LARP1B: variants seen among roughly 807,000 people sequenced by gnomAD.
LARP1B encodes the protein La ribonucleoprotein 1B.
LARP1B carries 76 observed loss-of-function variants against 114.2 expected under a neutral mutation model. The ratio of observed to expected loss-of-function variants is 0.67; its 90% CI spans 0.55 to 0.81. The LOEUF (loss-of-function observed/expected upper bound fraction) is 0.81, where lower values mean the gene tolerates loss of function less well. Ranked by LOEUF, LARP1B falls within the 30% of genes least tolerant of loss-of-function variation. LARP1B has a pLI of 0.00. For missense variants in LARP1B, 1,014 were observed against 1,075.8 expected, an observed-to-expected ratio of 0.94 and a Z score of 0.80; for synonymous variants, 345 against 348.0, an observed-to-expected ratio of 0.99 and a Z score of 0.10.
chr4:128,068,322 T>A (rs1035084648), intron 1 of LARP1B, among the ~76,000 whole-genome samples: 5 of 151,368 alleles, frequency 3.3e-5, no homozygotes, highest in Non-Finnish European at 5.9e-5. Flanking sequence ...CCGGCTTTTT[T>A]TTTTTTTTAA....
chr4:128,127,250 A>G (rs1789959817), intron 11 of LARP1B, among the ~76,000 whole-genome samples: 1 of 95,332 alleles, frequency 1.0e-5, no homozygotes, highest in Non-Finnish European at 2.6e-5. Context: ...AGACACAGAA[A>G]GGACTGCAGA....
chr4:128,132,495 A>G (rs6842281), intron 11 of LARP1B, among the ~76,000 whole-genome samples: 98,692 of 151,852 alleles, frequency 0.65, 32,374 homozygotes, highest in Middle Eastern at 0.82. Context: ...ATCTGCCTGC[A>G]TCAGTCTCCA....
chr4:128,137,827 T>C (rs916666479), intron 11 of LARP1B, among the ~76,000 whole-genome samples: 3 of 150,922 alleles, frequency 2.0e-5, no homozygotes, highest in African/African-American at 7.3e-5. Flanking sequence ...AGAGTTTTGC[T>C]TTGTCTCCCA....
chr4:128,220,211 G>C (rs941321936), intron 6 of LARP1B: 56 of 165,716 alleles, frequency 3.4e-4, no homozygotes, highest in Non-Finnish European at 5.8e-4. Flanking sequence ...GCTTATGTTA[G>C]TTTGGAACTC....
At chr4:128,080,011 T>G (rs993005580) in intron 4 of LARP1B, among the ~76,000 whole-genome samples, 3 of 150,746 alleles carry the variant, frequency 2.0e-5, no homozygotes, top group African/African-American at 7.3e-5. Flanking sequence ...TGAGATGGAG[T>G]TTCGCTCTTG....
intron 11 of LARP1B, among the ~76,000 whole-genome samples, chr4:128,147,028 C>T (rs1730649130): frequency 6.6e-6 from 1 of 152,180 alleles, no homozygotes; most frequent in Non-Finnish European, 1.5e-5. Flanking sequence ...CCCATTGGTT[C>T]ACTCATTCAT....
chr4:128,176,093 G>GAT (rs1226245741), intron 12 of LARP1B, among the ~76,000 whole-genome samples: 67 of 138,664 alleles, frequency 4.8e-4, no homozygotes, highest in African/African-American at 1.1e-3. Context: ...TCTCTCTCTC[G>GAT]ATATATATAT....
intron 15 of LARP1B, among the ~76,000 whole-genome samples, chr4:128,197,440 A>G (rs923715728): frequency 4.1e-4 from 63 of 152,344 alleles, no homozygotes; most frequent in African/African-American, 1.5e-3. Flanking sequence ...TTACGCCTGT[A>G]ATCCCAGCAC....
downstream of LARP1B, among the ~76,000 whole-genome samples, chr4:128,214,524 C>A (rs1441162499): frequency 6.6e-6 from 1 of 152,108 alleles, no homozygotes; most frequent in Non-Finnish European, 1.5e-5. Context: ...AACTGGGAGG[C>A]AGGGGCACAC....
At chr4:128,119,949 AAC>A (rs1787335434) in intron 10 of LARP1B, among the ~76,000 whole-genome samples, 1 of 152,230 alleles carries the variant, frequency 6.6e-6, no homozygotes, top group Non-Finnish European at 1.5e-5. Context: ...AAACAAATTT[AAC>A]AGTTTGTTTA....
chr4:128,163,955 C>G (rs1291997174), intron 12 of LARP1B, among the ~76,000 whole-genome samples: 1 of 151,888 alleles, frequency 6.6e-6, no homozygotes, highest in Non-Finnish European at 1.5e-5. Flanking sequence ...CTCAGTTGGT[C>G]CTTGTTTCTA....
At chr4:128,122,399 A>T in intron 11 of LARP1B, 2 of 1,479,380 alleles carry the variant, frequency 1.4e-6, no homozygotes, top group Non-Finnish European at 1.8e-6. Flanking sequence ...GAATACTGTA[A>T]TTACAAAAGA....
intron 1 of LARP1B, among the ~76,000 whole-genome samples, chr4:128,065,285 C>A (rs1464717280): frequency 4.4e-5 from 6 of 135,212 alleles, no homozygotes; most frequent in African/African-American, 1.8e-4. Context: ...TTCTTTCTTT[C>A]TTTCTTTCTT....
At chr4:128,088,963 A>C (rs947240149) in intron 5 of LARP1B, among the ~76,000 whole-genome samples, 1 of 152,050 alleles carries the variant, frequency 6.6e-6, no homozygotes, top group Non-Finnish European at 1.5e-5. Flanking sequence ...ATCTCTGTTA[A>C]AAAAAAGGAA....
At chr4:128,178,822 G>C (rs954199844) in intron 14 of LARP1B, among the ~76,000 whole-genome samples, 180 bp downstream of exon 14, 3 of 152,082 alleles carry the variant, frequency 2.0e-5, no homozygotes, top group African/African-American at 7.2e-5. Context: ...GGTTGGGCAC[G>C]GTGGTTTATG....
At position 128,112,959 on chromosome 4, in the gene LARP1B, C is replaced by CT. The variant is rs369519101; in HGVS notation, c.989-1609dup. Among the ~76,000 whole-genome samples, 368 of 152,286 alleles carry CT rather than the reference C, an allele frequency of 2.4e-3. 1 individual carries two copies. The highest frequency in any genetic ancestry group is 8.3e-3 in the African/African-American group (344 of 41,560). ...TCTAGCATGTAGATGAATGTAAAAT[C>CT]TTGAAATACTCTTCTTAAACCCATT... On this transcript the variant is annotated intron_variant, in intron 9 of 19. Transcript: ENST00000326639.
At chr4:128,067,369 C>T (rs907900886) in intron 1 of LARP1B, among the ~76,000 whole-genome samples, 2 of 152,120 alleles carry the variant, frequency 1.3e-5, no homozygotes, top group African/African-American at 4.8e-5. Context: ...AAAGGAATTC[C>T]ATCCACAGAA....
At chr4:128,175,741 G>A (rs375729760) in intron 12 of LARP1B, among the ~76,000 whole-genome samples, 7 of 152,114 alleles carry the variant, frequency 4.6e-5, no homozygotes, top group Middle Eastern at 3.4e-3. Context: ...CATTTCGGTC[G>A]TTGTTTTCAG....
intron 5 of LARP1B, among the ~76,000 whole-genome samples, chr4:128,087,694 A>G (rs1315416367): frequency 2.0e-5 from 3 of 152,140 alleles, no homozygotes; most frequent in Admixed American, 1.3e-4. Context: ...ATTTTTCTCA[A>G]TTGTCCACAA....
Sources: gnomAD v4.1 joint callset for allele counts (sites outside exome capture counted in the v4.1 genomes callset) on GRCh38, gnomAD v4.1.1 for gene constraint, MANE v1.5 for transcripts, NCBI Gene and HGNC (gene_info 2026-07-23, HGNC 2026-07-21) for gene names.